Variants in EYS observed in about 807,000 individuals in gnomAD.
EYS encodes EGF-like photoreceptor maintenance factor.
In EYS, 250 loss-of-function variants were observed where a neutral mutation model predicts 282.1. The ratio of observed to expected loss-of-function variants is 0.89; its 90% confidence interval spans 0.80 to 0.98. The LOEUF (loss-of-function observed/expected upper bound fraction) is 0.98, where lower values mean the gene tolerates loss of function less well. Ranked by LOEUF, EYS falls within the 50% of genes least tolerant of loss-of-function variation. EYS has a pLI of 0.00. For synonymous variants in EYS, 1,355 were observed against 1,282.9 expected (o/e 1.06, Z -1.20); for missense variants, 4,016 against 3,709.0 (o/e 1.08, Z -2.15).
At chr6:63,765,005 A>G (rs1395269840) in intron 40 of EYS, among the ~76,000 whole-genome samples, 1 of 151,972 alleles carries the variant, frequency 6.6e-6, no homozygotes, top group Non-Finnish European at 1.5e-5. Flanking sequence ...ATGTTAATTC[A>G]TTAATATTTC....
Position 64,902,532 on chromosome 6 carries a change from C to T in EYS, c.2642-32G>A, listed in dbSNP as rs752210653. 10 of 1,295,944 alleles carry T rather than the reference C, an allele frequency of 7.7e-6. No homozygotes were observed. The South Asian group carries it at 1.5e-4, about 19-fold the overall frequency. 80.3% of individuals were successfully genotyped at this position (1,295,944 alleles called of 1,614,324 possible). On this transcript the variant is annotated intron_variant, in intron 16 of 42. Coordinates refer to ENST00000503581, the MANE Select transcript of EYS (RefSeq NM_001142800.2). ...AGAGTATGAGATGAGTATGGATGAG[C>T]AATCCTTGTTATAGAGTAAAAAAAT... is the stretch of plus-strand genomic sequence containing the variant.
chr6:65,130,640 G>A (rs1455403652), intron 12 of EYS, among the ~76,000 whole-genome samples: 2 of 151,614 alleles, frequency 1.3e-5, no homozygotes, highest in Non-Finnish European at 2.9e-5. Flanking sequence ...ACACACAGGG[G>A]GCCTATCAGA....
At chr6:64,872,481 G>A (rs1359572484) in intron 19 of EYS, among the ~76,000 whole-genome samples, 1 of 151,914 alleles carries the variant, frequency 6.6e-6, no homozygotes, top group African/African-American at 2.4e-5. Context: ...TTCTTGCTGA[G>A]GACATAGGAT....
At chr6:64,635,767 T>C (rs1206910935) in intron 22 of EYS, among the ~76,000 whole-genome samples, 3 of 152,182 alleles carry the variant, frequency 2.0e-5, no homozygotes, top group Non-Finnish European at 4.4e-5. Flanking sequence ...TCATCAAGGA[T>C]ATTGGTCAAA....
In EYS at chr6:64,915,368, G is replaced by A. The variant is rs150729274; in HGVS notation, c.2382-2625C>T. Among the ~76,000 whole-genome samples the A allele has an allele frequency of 5.1e-4, 78 of 152,136 alleles. 1 individual carries two copies. In the East Asian group the frequency reaches 0.014, roughly 26 times the overall value. On this transcript the variant is annotated intron_variant, in intron 15 of 42. Transcript: ENST00000503581. Reference sequence around the variant, plus strand: ...ATGATCTGAATCTCCACATTATCATGTCAACACAATAAATGTTGACAATAC... The same window carrying A: ...ATGATCTGAATCTCCACATTATCATATCAACACAATAAATGTTGACAATAC...
At chr6:64,239,954 T>C (rs1766744562) in intron 30 of EYS, among the ~76,000 whole-genome samples, 1 of 152,212 alleles carries the variant, frequency 6.6e-6, no homozygotes, top group Non-Finnish European at 1.5e-5. Flanking sequence ...AGGGATCCAG[T>C]TTAAGCTTTT....
chr6:65,240,538 T>G (rs1767032407), intron 12 of EYS, among the ~76,000 whole-genome samples: 2 of 152,110 alleles, frequency 1.3e-5, no homozygotes, highest in Admixed American at 1.3e-4. Context: ...CATGTGGTAT[T>G]TGATTTTGTG....
At chr6:64,974,380 C>T (rs1194891403) in intron 14 of EYS, among the ~76,000 whole-genome samples, 1 of 149,496 alleles carries the variant, frequency 6.7e-6, no homozygotes, top group Non-Finnish European at 1.5e-5. Context: ...GCAGCTTGAT[C>T]TGAATCACCT....
chr6:63,944,050 C>G (rs1304403112), intron 35 of EYS, among the ~76,000 whole-genome samples: 1 of 152,128 alleles, frequency 6.6e-6, no homozygotes, highest in East Asian at 1.9e-4. Context: ...AGAATAAAGA[C>G]AGAGAGATGC....
intron 30 of EYS, among the ~76,000 whole-genome samples, chr6:64,279,813 C>G (rs1472021068): frequency 6.6e-6 from 1 of 152,148 alleles, no homozygotes; most frequent in African/African-American, 2.4e-5. Context: ...CTTGATTTCT[C>G]TACAATCTAA....
At chr6:63,797,919 C>T (rs1770685698) in intron 37 of EYS, 1 of 152,238 alleles carries the variant, frequency 6.6e-6, no homozygotes, top group Middle Eastern at 3.4e-3. Flanking sequence ...ATATGGCCCA[C>T]ATTTTTATAT....
chr6:65,477,023 A>G (rs1765437089), intron 5 of EYS, among the ~76,000 whole-genome samples: 2 of 152,214 alleles, frequency 1.3e-5, no homozygotes, highest in Admixed American at 1.3e-4. Flanking sequence ...ATCTATTGAA[A>G]GGATGATGAC....
In EYS at chr6:64,417,565, T is replaced by C. The variant is rs7744984; in HGVS notation, c.5927+18609A>G. Among the ~76,000 whole-genome samples the C allele has an allele frequency of 4.7e-3, 714 of 152,112 alleles. 5 individuals carry two copies. The highest frequency in any genetic ancestry group is 0.016 in the African/African-American group (662 of 41,514). ...ATAAAGCAGTGACATTCAGGAAGAA[T>C]TTTTTTTATTTAGTTGCATACTAGT... On this transcript the variant is annotated intron_variant, in intron 28 of 42. Transcript: ENST00000503581.
chr6:65,390,932 A>C (rs1447357270), intron 7 of EYS, among the ~76,000 whole-genome samples: 12 of 152,060 alleles, frequency 7.9e-5, no homozygotes, highest in Admixed American at 7.9e-4. Flanking sequence ...GATACTTGGA[A>C]AATATTCTGT....
In EYS at chr6:65,692,438, AT is replaced by A. The variant is rs1235214031; in HGVS notation, c.-448+14696del. Among the ~76,000 whole-genome samples the A allele has an allele frequency of 5.5e-4, 82 of 150,268 alleles. 4 individuals carry two copies. Among genetic ancestry groups the A allele is most frequent in the African/African-American group, 1.9e-3 (78 of 41,254 alleles). ...TTAAAAAGAAGCAGAATATGAAAAAATTGACATAATTCATAGAAAACACTAA... is the reference window on the plus strand; with the variant it reads ...TTAAAAAGAAGCAGAATATGAAAAAATGACATAATTCATAGAAAACACTAA... On this transcript the variant is annotated intron_variant, in intron 1 of 42. Coordinates refer to ENST00000503581, the MANE Select transcript of EYS (RefSeq NM_001142800.2).
chr6:64,771,257 TTG>T (rs1418293610), intron 22 of EYS, among the ~76,000 whole-genome samples: 7 of 151,726 alleles, frequency 4.6e-5, no homozygotes, highest in African/African-American at 1.7e-4. Context: ...TTCCTAGTAT[TTG>T]TGATTCTCCT....
At chr6:64,592,761 T>A (rs1048429763) in intron 25 of EYS, among the ~76,000 whole-genome samples, 1 of 152,122 alleles carries the variant, frequency 6.6e-6, no homozygotes, top group Non-Finnish European at 1.5e-5. Context: ...GATAGGAATA[T>A]AAATTTACCT....
At chr6:64,187,576 C>T (rs1456302337) in intron 31 of EYS, among the ~76,000 whole-genome samples, 1 of 151,942 alleles carries the variant, frequency 6.6e-6, no homozygotes, top group Non-Finnish European at 1.5e-5. Context: ...ATATTAATGT[C>T]CAGCTATACA....
intron 19 of EYS, among the ~76,000 whole-genome samples, chr6:64,842,038 G>A (rs1446730037): frequency 6.6e-6 from 1 of 151,992 alleles, no homozygotes; most frequent in Non-Finnish European, 1.5e-5. Flanking sequence ...CTCACCTTAA[G>A]TGAGATTTTA....
Sources: allele counts gnomAD v4.1 joint callset (sites outside exome capture counted in the v4.1 genomes callset), GRCh38; gene constraint gnomAD v4.1.1; transcripts MANE v1.5; gene names NCBI Gene and HGNC (gene_info 2026-07-23, HGNC 2026-07-21).